The following BBOF1 variants were observed in gnomAD, a reference collection of about 807,000 sequenced individuals.
The protein encoded by BBOF1 is basal body-orientation factor 1.
In BBOF1, 62 loss-of-function variants were observed where a neutral mutation model predicts 68.0. The observed-to-expected ratio is 0.91, with a 90% CI of 0.74 to 1.13. The LOEUF is 1.13. Among genes scored for constraint, BBOF1 ranks in the 50% most tolerant of loss-of-function variants. The probability of loss-of-function intolerance (pLI) is 0.00; values close to 1 mark genes in which losing one functional copy is unlikely to be tolerated. For synonymous variants in BBOF1, 208 were observed against 198.8 expected, an observed-to-expected ratio of 1.05 and a Z score of -0.39; for missense variants, 534 against 600.1, an observed-to-expected ratio of 0.89 and a Z score of 1.15.
rs1202287904 is a variant in BBOF1 at position 74,046,096 on chromosome 14, A to G, written c.613A>G (p.Met205Val). ...ACAAGAGGCTGAAAAGAAGATAATA[A>G]TGCTAGCAGAGAGAGCCCACCATGA... is the stretch of plus-strand genomic sequence containing the variant. ...LEQEAEKKII[M>V]LAERAHHEAI... is the part of the protein sequence containing the mutation. The change falls in exon 6 of 12, where the codon ATG (methionine) becomes GTG (valine). Residue 205 changes from methionine to valine, a missense_variant. Physicochemically the swap from Met to Val is conservative, Grantham distance 21. Transcript: ENST00000394009. The G allele has an allele frequency of 6.2e-7, 1 of 1,608,992 alleles. No homozygotes were observed. The highest frequency in any genetic ancestry group is 1.7e-5 in the Admixed American group (1 of 59,166).
chr14:74,049,686 A>C lies in BBOF1; in HGVS notation c.793-16A>C, dbSNP rs765413378. ...CAAAAGAAAAAAAAAATCACCTCTC[A>C]TCTTTCTGTTTTTAGGAGATCAATG... On this transcript the variant is annotated splice_polypyrimidine_tract_variant and intron_variant, in intron 7 of 11. Transcript: ENST00000394009. 1.3e-6 allele frequency: 2 copies of C among 1,558,400 alleles called. No individual in the cohort carries two copies. Among genetic ancestry groups the C allele is most frequent in the East Asian group, 2.3e-5 (1 of 44,032 alleles).
chr14:74,049,764 C>T lies in BBOF1; in HGVS notation c.855C>T (p.Ile285=), dbSNP rs2098980533. 5 of 1,613,946 alleles carry T rather than the reference C, an allele frequency of 3.1e-6. No individual in the cohort carries two copies. Among genetic ancestry groups the T allele is most frequent in the Non-Finnish European group, 1.7e-6 (2 of 1,179,990 alleles). The change falls in exon 8 of 12, where the codon ATC becomes ATT. Residue 285 remains isoleucine, a synonymous_variant. Coordinates refer to ENST00000394009, the MANE Select transcript of BBOF1 (RefSeq NM_025057.3). ...IMQLVQQRSQ[I]QTLQKKVVNL... ...AACTTGTCCAGCAGAGATCACAAAT[C>T]CAAACCCTTCAGAAGAAGGTAGTAA...
chr14:74,043,962 G>A (rs903958760), intron 5 of BBOF1, among the ~76,000 whole-genome samples: 6 of 151,906 alleles, frequency 3.9e-5, no homozygotes, highest in African/African-American at 9.7e-5. Context: ...AATCTAAAAT[G>A]AGGCTGGGCA....
At chr14:74,040,494 T>C in intron 4 of BBOF1, 71 bp from the exon 5 acceptor site, 1 of 917,896 alleles carries the variant, frequency 1.1e-6, no homozygotes, top group East Asian at 2.7e-5. Context: ...TATTGATAAT[T>C]TTCTGAGAAT....
rs369223978 is a variant in BBOF1 at position 74,065,212 on chromosome 14, C to T, written c.*513C>T. ...AACATCCACCAAGTGGGCATATTTC[C>T]GAGCAGTGGCTCCATTGGTGGTGAA... On this transcript the variant is annotated 3_prime_UTR_variant, in exon 12 of 12. Coordinates refer to ENST00000394009, the MANE Select transcript of BBOF1 (RefSeq NM_025057.3). 42 of 1,613,998 alleles carry T rather than the reference C, an allele frequency of 2.6e-5. No homozygotes were observed. Among genetic ancestry groups the T allele is most frequent in the South Asian group, 3.3e-5 (3 of 91,078 alleles).
At chr14:74,069,331 T>G (rs1190457501), downstream of BBOF1, 1 of 327,512 alleles carries the variant, frequency 3.1e-6, no homozygotes, top group South Asian at 2.6e-5. Context: ...CTTGAACTCC[T>G]GACCTCGTGA....
chr14:74,054,529 C>T (rs190702561), intron 8 of BBOF1, among the ~76,000 whole-genome samples: 70 of 151,698 alleles, frequency 4.6e-4, no homozygotes, highest in African/African-American at 1.6e-3. Context: ...CAGGTGCCCA[C>T]CACCATGCCC....
In BBOF1 at chr14:74,040,691, A is replaced by G. The variant is rs770551062; in HGVS notation, c.576+46A>G. 7.7e-6 allele frequency: 9 copies of G among 1,173,410 alleles called. No homozygotes were observed. In the Admixed American group the frequency reaches 8.2e-5, roughly 11 times the overall value. The allele number at this position is 1,173,410 out of a possible 1,614,324, so 72.7% of individuals were successfully genotyped here. On this transcript the variant is annotated intron_variant, in intron 5 of 11. Transcript: ENST00000394009. Reference sequence around the variant, plus strand: ...TTTAAAATGTTTTGTTTACTAGAACATAAGTGTATTTATATGCATTCTGAA... The same window carrying G: ...TTTAAAATGTTTTGTTTACTAGAACGTAAGTGTATTTATATGCATTCTGAA...
At chr14:74,033,720 T>TA (rs1266856875) in intron 3 of BBOF1, among the ~76,000 whole-genome samples, 10 of 151,592 alleles carry the variant, frequency 6.6e-5, no homozygotes, top group African/African-American at 2.4e-4. Context: ...ACTAAAAATA[T>TA]AAAAAAATCA....
intron 2 of BBOF1, among the ~76,000 whole-genome samples, chr14:74,025,259 A>C (rs2059398300): frequency 6.6e-6 from 1 of 152,096 alleles, no homozygotes; most frequent in African/African-American, 2.4e-5. Context: ...GTACTTCCTG[A>C]TTCTCATCTG....
At chr14:74,054,630 G>C (rs765002233) in intron 8 of BBOF1, among the ~76,000 whole-genome samples, 1 of 148,390 alleles carries the variant, frequency 6.7e-6, no homozygotes, top group Non-Finnish European at 1.5e-5. Flanking sequence ...TCCCGCCTCA[G>C]CCTCCCAAAG....
chr14:74,035,584 A>ATTTTTTTT lies in BBOF1; in HGVS notation c.495+1434_495+1441dup, dbSNP rs71460945. ...AGGCGTGCACCACCACCCCCAGCTA[A>ATTTTTTTT]TTTTTTTTTTTTTTTTTTTTTTTTT... On this transcript the variant is annotated intron_variant, in intron 4 of 11. Transcript: ENST00000394009. Among the ~76,000 whole-genome samples the ATTTTTTTT allele has an allele frequency of 4.5e-3, 369 of 81,378 alleles. 34 individuals carry two copies. Among genetic ancestry groups the ATTTTTTTT allele is most frequent in the African/African-American group, 0.021 (334 of 15,648 alleles). The allele number at this position is 81,378 out of a possible 152,430, so 53.4% of individuals were successfully genotyped here.
Position 74,057,192 on chromosome 14 carries a change from A to G in BBOF1, c.1512A>G (p.Ala504=). Residue 504 remains alanine (A), a synonymous_variant, in exon 11 of 12, where the codon GCA becomes GCG. Coordinates refer to ENST00000394009, the MANE Select transcript of BBOF1 (RefSeq NM_025057.3). ...AAATCTTCATCACCCAGCAAATTGC[A>G]ATATCAGACTCTTCTGGTGAAGTGG... ...QDKIFITQQI[A]ISDSSGEVVL... 5 of 1,613,862 alleles carry G rather than the reference A, an allele frequency of 3.1e-6. No homozygotes were observed. The highest frequency in any genetic ancestry group is 4.2e-6 in the Non-Finnish European group (5 of 1,179,778).
intron 10 of BBOF1, among the ~76,000 whole-genome samples, chr14:74,080,033 A>G (rs115151443): frequency 0.013 from 2,028 of 151,864 alleles, 45 homozygotes; most frequent in African/African-American, 0.045. Flanking sequence ...GCGAGACCCT[A>G]TCTTAAAAAA....
intron 2 of BBOF1, among the ~76,000 whole-genome samples, chr14:74,025,023 C>T (rs35573905): frequency 0.11 from 17,393 of 152,156 alleles, 1,302 homozygotes; most frequent in Admixed American, 0.19. Flanking sequence ...CCACCTCACC[C>T]TCCCAAAGTG....
chr14:74,035,298 A>C (rs56171007), intron 4 of BBOF1, among the ~76,000 whole-genome samples: 1 of 151,950 alleles, frequency 6.6e-6, no homozygotes, highest in African/African-American at 2.4e-5. Flanking sequence ...CAAAGGCTTC[A>C]GTCATCTATC....
At position 74,034,167 on chromosome 14, in the gene BBOF1, A is replaced by T; in HGVS notation, c.491A>T (p.Asp164Val). The part of the protein sequence containing the change: ...KRKIQVEREL[D>V]DLKENLRNTE... ...AAAATCCAAGTGGAGAGAGAGTTAG[A>T]TGATGTAAGTTTCATTCCTTTTTTA... The change falls in exon 4 of 12, where the codon GAT becomes GTT. Residue 164 changes from aspartate (D) to valine (V), a missense_variant. Physicochemically the swap from Asp to Val is radical, Grantham distance 152. Transcript: ENST00000394009. 6.4e-7 allele frequency: 1 copy of T among 1,555,950 alleles called. No homozygotes were observed. Among genetic ancestry groups the T allele is most frequent in the Middle Eastern group, 1.7e-4 (1 of 5,940 alleles).
At chr14:74,029,617 A>G (rs59334504) in intron 3 of BBOF1, among the ~76,000 whole-genome samples, 73,761 of 151,090 alleles carry the variant, frequency 0.49, 18,723 homozygotes, top group East Asian at 0.89. Flanking sequence ...GGGAGGCAGA[A>G]GTTGCAGTGA....
intron 8 of BBOF1, chr14:74,055,154 CTT>C (rs760275836): frequency 2.7e-5 from 4 of 149,350 alleles, no homozygotes; most frequent in Non-Finnish European, 2.9e-5. Context: ...TTTTTTCTTT[CTT>C]TTTTTTTTTG....
Sources: gnomAD v4.1 joint callset for allele counts (sites outside exome capture counted in the v4.1 genomes callset) on GRCh38, gnomAD v4.1.1 for gene constraint, MANE v1.5 for transcripts, NCBI Gene and HGNC (gene_info 2026-07-23, HGNC 2026-07-21) for gene names.